Variants in ASIC2 observed in about 807,000 individuals in gnomAD.
ASIC2 encodes the protein acid sensing ion channel subunit 2.
In ASIC2, 25 loss-of-function variants were observed where a neutral mutation model predicts 57.3. The ratio of observed to expected loss-of-function variants is 0.44; its 90% confidence interval spans 0.32 to 0.61. The LOEUF is 0.61. ASIC2 is among the 20% of genes least tolerant of loss of function. The pLI, the probability that ASIC2 is intolerant of heterozygous loss-of-function variation, is 0.06. For synonymous variants in ASIC2, 319 were observed against 307.5 expected, an observed-to-expected ratio of 1.04 and a Z score of -0.39; for missense variants, 641 against 738.1, an observed-to-expected ratio of 0.87 and a Z score of 1.52.
At chr17:34,080,483 C>T (rs541040346) in intron 1 of ASIC2, among the ~76,000 whole-genome samples, 24 of 152,362 alleles carry the variant, frequency 1.6e-4, no homozygotes, top group Admixed American at 1.4e-3. Flanking sequence ...GTCAGCTTCT[C>T]TCACTTTCCA....
At chr17:33,836,224 T>C in intron 1 of ASIC2, among the ~76,000 whole-genome samples, 1 of 149,712 alleles carries the variant, frequency 6.7e-6, no homozygotes, top group African/African-American at 2.4e-5. Flanking sequence ...TTCAAGCAAT[T>C]CTCATGCCTC....
intron 1 of ASIC2, among the ~76,000 whole-genome samples, chr17:33,602,425 T>G (rs993208347): frequency 6.6e-6 from 1 of 151,874 alleles, no homozygotes; most frequent in Non-Finnish European, 1.5e-5. Flanking sequence ...CCCCCTTCGC[T>G]CTCTCTCTCT....
chr17:33,357,698 T>G (rs1214983269), intron 1 of ASIC2, among the ~76,000 whole-genome samples: 1 of 152,164 alleles, frequency 6.6e-6, no homozygotes, highest in Non-Finnish European at 1.5e-5. Context: ...CAGGGTGACT[T>G]TGGAAGTTGT....
At chr17:34,021,213 A>G (rs985837722) in intron 1 of ASIC2, among the ~76,000 whole-genome samples, 4 of 151,838 alleles carry the variant, frequency 2.6e-5, no homozygotes, top group Non-Finnish European at 4.4e-5. Flanking sequence ...GTAACCAAAC[A>G]CCACCTGCTC....
chr17:34,101,916 C>T (rs1910880058), intron 1 of ASIC2, among the ~76,000 whole-genome samples: 1 of 152,172 alleles, frequency 6.6e-6, no homozygotes, highest in Non-Finnish European at 1.5e-5. Flanking sequence ...TATGCCATCA[C>T]CATACCCTAC....
At chr17:33,219,399 A>G (rs190508963) in intron 1 of ASIC2, among the ~76,000 whole-genome samples, 246 of 152,298 alleles carry the variant, frequency 1.6e-3, no homozygotes, top group Non-Finnish European at 3.1e-3. Flanking sequence ...GTAATAAATA[A>G]CAGCCCCAAT....
intron 1 of ASIC2, among the ~76,000 whole-genome samples, chr17:33,394,253 A>T (rs1350224721): frequency 1.3e-5 from 2 of 152,226 alleles, no homozygotes; most frequent in Non-Finnish European, 2.9e-5. Flanking sequence ...TGCTCCTAGC[A>T]TCTGTTATAG....
At chr17:33,777,102 C>A (rs762922295) in intron 1 of ASIC2, among the ~76,000 whole-genome samples, 2 of 152,210 alleles carry the variant, frequency 1.3e-5, no homozygotes, top group Non-Finnish European at 2.9e-5. Context: ...GGCATGGCAT[C>A]CACAGCCCAT....
At chr17:34,106,413 AATG>A (rs1397547200) in intron 1 of ASIC2, among the ~76,000 whole-genome samples, 5 of 152,090 alleles carry the variant, frequency 3.3e-5, no homozygotes, top group African/African-American at 9.7e-5. Flanking sequence ...ATGATCACAA[AATG>A]ATGATTTCCA....
intron 1 of ASIC2, among the ~76,000 whole-genome samples, chr17:33,856,249 G>T (rs1011465248): frequency 6.6e-6 from 1 of 152,162 alleles, no homozygotes; most frequent in Non-Finnish European, 1.5e-5. Context: ...ATAGGAAAAA[G>T]CATCAATATC....
At chr17:33,422,370 T>C (rs959865189) in intron 1 of ASIC2, among the ~76,000 whole-genome samples, 4 of 152,188 alleles carry the variant, frequency 2.6e-5, no homozygotes, top group African/African-American at 7.2e-5. Context: ...CTGGGAAAGA[T>C]AGAGTAGGGC....
intron 1 of ASIC2, among the ~76,000 whole-genome samples, chr17:33,164,001 G>A (rs1905235314): frequency 6.6e-6 from 1 of 152,206 alleles, no homozygotes; most frequent in Admixed American, 6.5e-5. Flanking sequence ...TCAATTCATA[G>A]GCGGGAAAAT....
At chr17:34,145,030 C>T (rs1912379558) in intron 1 of ASIC2, among the ~76,000 whole-genome samples, 1 of 152,206 alleles carries the variant, frequency 6.6e-6, no homozygotes, top group Admixed American at 6.5e-5. Flanking sequence ...AAGATTTGCT[C>T]TCTAGGGTTG....
intron 1 of ASIC2, among the ~76,000 whole-genome samples, chr17:33,740,726 A>G (rs17783292): frequency 0.34 from 52,110 of 152,068 alleles, 10,830 homozygotes; most frequent in Non-Finnish European, 0.48. Context: ...CACACAGTGC[A>G]TTCCAAGAAC....
intron 1 of ASIC2, among the ~76,000 whole-genome samples, chr17:34,125,778 T>C (rs1392102366): frequency 6.6e-6 from 1 of 152,156 alleles, no homozygotes; most frequent in African/African-American, 2.4e-5. Flanking sequence ...TGCCTAGATG[T>C]CTCCACAATA....
At chr17:33,621,477 G>A (rs1386982481) in intron 1 of ASIC2, among the ~76,000 whole-genome samples, 3 of 152,194 alleles carry the variant, frequency 2.0e-5, no homozygotes, top group East Asian at 3.9e-4. Context: ...AGTAGTGCTC[G>A]TTAGATGGCC....
intron 1 of ASIC2, among the ~76,000 whole-genome samples, chr17:33,484,822 C>T (rs191126378): frequency 1.2e-3 from 179 of 152,350 alleles, no homozygotes; most frequent in Non-Finnish European, 2.1e-3. Context: ...CTGCCCCTTT[C>T]CATAGCAACA....
chr17:33,864,303 T>C (rs1185475879), intron 1 of ASIC2, among the ~76,000 whole-genome samples: 2 of 152,172 alleles, frequency 1.3e-5, no homozygotes, highest in Admixed American at 1.3e-4. Context: ...AAAAAGTCAA[T>C]TTAAAGAAAA....
intron 1 of ASIC2, chr17:34,071,621 G>A (rs1473930715): frequency 6.6e-6 from 1 of 152,242 alleles, no homozygotes. Context: ...CTTGAGGTCA[G>A]GAGTTCGAGA....
Sources: gnomAD v4.1 joint callset for allele counts (sites outside exome capture counted in the v4.1 genomes callset) on GRCh38, gnomAD v4.1.1 for gene constraint, MANE v1.5 for transcripts, NCBI Gene and HGNC (gene_info 2026-07-23, HGNC 2026-07-21) for gene names.